Variants in TMCO5A observed in about 807,000 individuals in gnomAD.
The protein encoded by TMCO5A is transmembrane and coiled-coil domains 5A.
Under a neutral mutation model 42.3 loss-of-function variants are expected in TMCO5A, and 34 were observed. The observed-to-expected ratio is 0.80, with a 90% CI of 0.61 to 1.07. TMCO5A has a LOEUF of 1.07. Among genes scored for constraint, TMCO5A ranks in the 50% least tolerant of loss-of-function variants. TMCO5A has a pLI of 0.00. For missense variants in TMCO5A, 357 were observed against 327.9 expected, an observed-to-expected ratio of 1.09 and a Z score of -0.69; for synonymous variants, 131 against 115.6, an observed-to-expected ratio of 1.13 and a Z score of -0.86.
the TMCO5A span, among the ~76,000 whole-genome samples, chr15:37,986,870 C>T: frequency 6.6e-6 from 1 of 151,970 alleles, no homozygotes; most frequent in Admixed American, 6.6e-5. Context: ...CTATGAACAT[C>T]GGGGTACAGA....
At chr15:37,983,477 G>A in the TMCO5A span, among the ~76,000 whole-genome samples, 1 of 152,266 alleles carries the variant, frequency 6.6e-6, no homozygotes, top group East Asian at 1.9e-4. Context: ...GGAGATGTTG[G>A]GGCACAGCCC....
chr15:38,028,994 G>A, the TMCO5A span, among the ~76,000 whole-genome samples: 2 of 152,252 alleles, frequency 1.3e-5, no homozygotes, highest in African/African-American at 4.8e-5. Flanking sequence ...ATACTCAATG[G>A]AACCTAAAGG....
the TMCO5A span, among the ~76,000 whole-genome samples, chr15:38,028,435 T>G: frequency 1.3e-5 from 2 of 152,298 alleles, no homozygotes; most frequent in South Asian, 4.2e-4. Context: ...ATCTCAAGGC[T>G]CATTATATGG....
chr15:38,035,551 G>A, the TMCO5A span, among the ~76,000 whole-genome samples: 1 of 152,178 alleles, frequency 6.6e-6, no homozygotes, highest in African/African-American at 2.4e-5. Context: ...GGCTGAGACA[G>A]GGAAGAAGAA....
chr15:37,994,166 G>A, the TMCO5A span, among the ~76,000 whole-genome samples: 1 of 152,202 alleles, frequency 6.6e-6, no homozygotes, highest in East Asian at 1.9e-4. Flanking sequence ...GCTGGAAGGT[G>A]AGGGAAGTAA....
chr15:38,032,341 A>C, the TMCO5A span, among the ~76,000 whole-genome samples: 1 of 152,154 alleles, frequency 6.6e-6, no homozygotes, highest in Non-Finnish European at 1.5e-5. Context: ...TCTTTCACCT[A>C]CTTTAAGGAC....
At chr15:38,004,387 C>T in the TMCO5A span, among the ~76,000 whole-genome samples, 1 of 152,098 alleles carries the variant, frequency 6.6e-6, no homozygotes, top group Non-Finnish European at 1.5e-5. Flanking sequence ...TTCCCCTGGC[C>T]ACCCCATCTG....
At chr15:37,938,783 C>T (rs1343273907) in intron 6 of TMCO5A, among the ~76,000 whole-genome samples, 2 of 152,086 alleles carry the variant, frequency 1.3e-5, no homozygotes, top group African/African-American at 4.8e-5. Context: ...CAATTAGTCA[C>T]TCAAGTATTT....
chr15:37,969,684 T>C (rs1439491805), downstream of TMCO5A, among the ~76,000 whole-genome samples: 4 of 152,096 alleles, frequency 2.6e-5, no homozygotes, highest in East Asian at 7.7e-4. Flanking sequence ...CAATAGGTGG[T>C]TTTCAGTTCC....
the TMCO5A span, among the ~76,000 whole-genome samples, chr15:38,016,853 A>C: frequency 2.6e-5 from 4 of 152,284 alleles, no homozygotes; most frequent in East Asian, 7.7e-4. Flanking sequence ...AGAAAAGAAT[A>C]AAGTTTGTTG....
At chr15:38,013,331 C>T in the TMCO5A span, among the ~76,000 whole-genome samples, 12 of 104,560 alleles carry the variant, frequency 1.1e-4, no homozygotes, top group African/African-American at 4.6e-4. Flanking sequence ...AAAAGGACAG[C>T]TAAAGCAGGA....
At chr15:38,024,330 G>T in the TMCO5A span, among the ~76,000 whole-genome samples, 2 of 152,242 alleles carry the variant, frequency 1.3e-5, no homozygotes, top group African/African-American at 2.4e-5. Context: ...TGAGTTAGAA[G>T]AGAGAGCAGA....
chr15:37,969,915 G>T (rs1029582963), downstream of TMCO5A, among the ~76,000 whole-genome samples: 1 of 152,048 alleles, frequency 6.6e-6, no homozygotes, highest in African/African-American at 2.4e-5. Context: ...TATTTATCCT[G>T]TCTACCATTG....
At chr15:38,038,395 G>A in the TMCO5A span, among the ~76,000 whole-genome samples, 3 of 151,576 alleles carry the variant, frequency 2.0e-5, no homozygotes, top group South Asian at 4.2e-4. Flanking sequence ...AGATATGGAA[G>A]ATGAAAATTT....
At chr15:38,027,307 C>A in the TMCO5A span, among the ~76,000 whole-genome samples, 1 of 152,176 alleles carries the variant, frequency 6.6e-6, no homozygotes, top group Non-Finnish European at 1.5e-5. Flanking sequence ...GGATGTGAGA[C>A]CTGGAGTCAA....
At chr15:37,976,793 C>CTTTTTTTTTTT in the TMCO5A span, among the ~76,000 whole-genome samples, 1 of 116,846 alleles carries the variant, frequency 8.6e-6, no homozygotes, top group Non-Finnish European at 1.7e-5. Flanking sequence ...TTTCTTCTTT[C>CTTTTTTTTTTT]TTTTTTTTTT....
intron 10 of TMCO5A, chr15:37,944,122 G>A (rs1422222462): frequency 1.3e-5 from 2 of 152,086 alleles, no homozygotes; most frequent in Non-Finnish European, 2.9e-5. Context: ...ACTTAGAAAA[G>A]AGAACTAAAC....
chr15:38,003,189 CT>C, the TMCO5A span, among the ~76,000 whole-genome samples: 3 of 150,646 alleles, frequency 2.0e-5, no homozygotes, highest in African/African-American at 7.4e-5. Context: ...AGCAGAGACC[CT>C]TGTTCTCTTC....
chr15:37,973,458 G>A, the TMCO5A span, among the ~76,000 whole-genome samples: 2 of 151,812 alleles, frequency 1.3e-5, no homozygotes, highest in South Asian at 2.1e-4. Flanking sequence ...CTTTGAGCAG[G>A]GTTTTGTAAT....
Sources: allele counts gnomAD v4.1 joint callset (sites outside exome capture counted in the v4.1 genomes callset), GRCh38; gene constraint gnomAD v4.1.1; transcripts MANE v1.5; gene names NCBI Gene and HGNC (gene_info 2026-07-23, HGNC 2026-07-21).